Variants in ARID1B observed in about 807,000 individuals in gnomAD.
ARID1B encodes AT-rich interaction domain 1B.
In ARID1B, 30 loss-of-function variants were observed where a neutral mutation model predicts 212.3. The observed-to-expected ratio is 0.14, with a 90% CI of 0.11 to 0.19. The LOEUF (loss-of-function observed/expected upper bound fraction) is 0.19, where lower values mean the gene tolerates loss of function less well. ARID1B is among the 10% of genes least tolerant of loss of function. The probability of loss-of-function intolerance (pLI) is 1.00; values close to 1 mark genes in which losing one functional copy is unlikely to be tolerated. For synonymous variants in ARID1B, 1,402 were observed against 1,301.7 expected (o/e 1.08, Z -1.66); for missense variants, 2,891 against 3,204.0 (o/e 0.90, Z 2.36).
intron 4 of ARID1B, among the ~76,000 whole-genome samples, chr6:157,008,016 T>A (rs1487415774): frequency 1.3e-5 from 2 of 152,232 alleles, no homozygotes; most frequent in African/African-American, 4.8e-5. Context: ...AAGTTTAAAT[T>A]AAGCAAAGAG....
At chr6:156,929,965 G>C (rs1791568111) in intron 3 of ARID1B, among the ~76,000 whole-genome samples, 2 of 151,548 alleles carry the variant, frequency 1.3e-5, no homozygotes, top group Non-Finnish European at 2.9e-5. Context: ...CCCCTGCTCT[G>C]GTTTTGCTAC....
intron 18 of ARID1B, among the ~76,000 whole-genome samples, chr6:157,202,794 T>A (rs1382734284): frequency 6.6e-6 from 1 of 150,718 alleles, no homozygotes; most frequent in Non-Finnish European, 1.5e-5. Flanking sequence ...GTGTGTGTAT[T>A]TATATGGGGT....
chr6:157,138,666 A>G (rs1789116259), intron 7 of ARID1B, among the ~76,000 whole-genome samples: 1 of 152,190 alleles, frequency 6.6e-6, no homozygotes, highest in African/African-American at 2.4e-5. Context: ...CTCTTCTCTG[A>G]CGTTCCAAAG....
intron 2 of ARID1B, among the ~76,000 whole-genome samples, chr6:156,866,621 G>A (rs1390194866): frequency 6.6e-6 from 1 of 152,092 alleles, no homozygotes; most frequent in Non-Finnish European, 1.5e-5. Flanking sequence ...TCTTTATCCA[G>A]AGTCTCTTTA....
At chr6:156,871,145 G>A (rs766691782) in intron 2 of ARID1B, among the ~76,000 whole-genome samples, 1 of 152,158 alleles carries the variant, frequency 6.6e-6, no homozygotes, top group Non-Finnish European at 1.5e-5. Flanking sequence ...CTCCTTTCTT[G>A]TACAGCCTAT....
chr6:157,204,136 C>A (rs147533130), intron 19 of ARID1B, 140 bp downstream of exon 19: 3 of 1,096,774 alleles, frequency 2.7e-6, no homozygotes, highest in Non-Finnish European at 2.7e-6. Context: ...TATCAACCAG[C>A]CTTAATCAAT....
rs1024749102 is a variant in ARID1B, at chr6:157,207,909, G to A, written c.*18G>A. On this transcript the variant is annotated 3_prime_UTR_variant, in exon 20 of 20. Coordinates refer to ENST00000636930, the MANE Select transcript of ARID1B (RefSeq NM_001374828.1). This position sits in a 1 kb window ranked among gnomAD's most constrained non-coding sequence, Gnocchi z 8.5. ...AGTTATGACATAAGTGAGAAGGCAAGCATGTGTGAGTGAAGATTAGAGGGT... is the reference window on the plus strand; with the variant it reads ...AGTTATGACATAAGTGAGAAGGCAAACATGTGTGAGTGAAGATTAGAGGGT... The A allele has an allele frequency of 6.1e-6, 9 of 1,468,950 alleles. No individual in the cohort carries two copies. Among genetic ancestry groups the A allele is most frequent in the African/African-American group, 4.2e-5 (3 of 71,214 alleles). The allele number at this position is 1,468,950 out of a possible 1,614,324, so 91.0% of individuals were successfully genotyped here.
At chr6:156,970,698 G>A (rs1385090070) in intron 4 of ARID1B, among the ~76,000 whole-genome samples, 1 of 152,356 alleles carries the variant, frequency 6.6e-6, no homozygotes, top group East Asian at 1.9e-4. Context: ...TCAGTGCCCA[G>A]CCTTCCTTCT....
chr6:157,131,489 G>A (rs372143846), intron 6 of ARID1B, among the ~76,000 whole-genome samples: 4 of 152,214 alleles, frequency 2.6e-5, no homozygotes, highest in African/African-American at 7.2e-5. Flanking sequence ...AGGAGGGAAC[G>A]GGGGAGAGAG....
Position 157,081,421 on chromosome 6 carries a change from A to G in ARID1B, c.2248-3241A>G, listed in dbSNP as rs111418157. 8.4e-3 allele frequency among the ~76,000 whole-genome samples: 1,286 copies of G among 152,332 alleles called. 25 individuals are homozygous for G. Among genetic ancestry groups the G allele is most frequent in the African/African-American group, 0.029 (1,223 of 41,582 alleles). ...AGCATGTTTTAAGATAGCTCTACAT[A>G]CAGATACCCTAACAATCTGCAGGGC... is the stretch of plus-strand genomic sequence containing the variant. On this transcript the variant is annotated intron_variant, in intron 4 of 19. Transcript: ENST00000636930.
intron 2 of ARID1B, among the ~76,000 whole-genome samples, chr6:156,838,561 C>T (rs902390869): frequency 2.0e-5 from 3 of 151,772 alleles, no homozygotes; most frequent in African/African-American, 4.8e-5. Flanking sequence ...CGAAGCCTGT[C>T]GGTGGGAATG....
intron 4 of ARID1B, among the ~76,000 whole-genome samples, chr6:156,944,480 A>G (rs1792911766): frequency 6.6e-6 from 1 of 152,108 alleles, no homozygotes; most frequent in African/African-American, 2.4e-5. Context: ...GTCGTTGCAT[A>G]TAGGGAAGTC....
intron 1 of ARID1B, among the ~76,000 whole-genome samples, chr6:156,792,691 C>T (rs555717414): frequency 6.6e-6 from 1 of 152,118 alleles, no homozygotes; most frequent in Non-Finnish European, 1.5e-5. Flanking sequence ...GTGCTTAGGG[C>T]AGTCTGAAAT....
intron 8 of ARID1B, among the ~76,000 whole-genome samples, chr6:157,153,250 T>A (rs1790332190): frequency 6.6e-6 from 1 of 152,208 alleles, no homozygotes; most frequent in Non-Finnish European, 1.5e-5. Flanking sequence ...ATTTTGATCA[T>A]CAGAGGATTT....
intron 3 of ARID1B, among the ~76,000 whole-genome samples, chr6:156,934,656 G>A (rs1792015342): frequency 6.6e-6 from 1 of 151,892 alleles, no homozygotes; most frequent in Non-Finnish European, 1.5e-5. Flanking sequence ...TAATTGAGAG[G>A]ACCTGTTAAG....
chr6:157,206,450 C>T lies in ARID1B; in HGVS notation c.5678C>T (p.Ala1893Val), dbSNP rs201137071. 1.7e-4 allele frequency: 267 copies of T among 1,614,086 alleles called. 1 individual carries two copies. Among genetic ancestry groups the T allele is most frequent in the Non-Finnish European group, 1.8e-4 (215 of 1,180,040 alleles). ...AGCATCGCTCTGACTGCCCCGGACG[C>T]CGCTGCAGACCCAAAGGAGAAGCCC... is the stretch of plus-strand genomic sequence containing the variant. ...KSSIALTAPD[A>V]AADPKEKPKQ... The change falls in exon 20 of 20, where the codon GCC (alanine) becomes GTC (valine). Residue 1893 changes from alanine (A) to valine (V), a missense_variant. Around this residue, in one of 7 missense-constraint regions of ARID1B, gnomAD observed 332 missense variants for 369.2 expected, o/e 0.90. Coordinates refer to ENST00000636930, the MANE Select transcript of ARID1B (RefSeq NM_001374828.1). This position sits in a 1 kb window ranked among gnomAD's most constrained non-coding sequence, Gnocchi z 6.8.
intron 1 of ARID1B, among the ~76,000 whole-genome samples, chr6:156,790,622 C>T (rs1779945624): frequency 6.6e-6 from 1 of 152,158 alleles, no homozygotes; most frequent in South Asian, 2.1e-4. Flanking sequence ...AAATTACAGT[C>T]ATACTTTTTA....
At chr6:156,913,836 C>A in intron 3 of ARID1B, among the ~76,000 whole-genome samples, 1 of 149,926 alleles carries the variant, frequency 6.7e-6, no homozygotes, top group African/African-American at 2.5e-5. Flanking sequence ...CTCTCCACTT[C>A]CCAACAACCA....
chr6:157,084,168 CAA>C (rs200804543), intron 4 of ARID1B, among the ~76,000 whole-genome samples: 3,635 of 148,068 alleles, frequency 0.025, 71 homozygotes, highest in Non-Finnish European at 0.041. Context: ...TTTCTCATCA[CAA>C]AGTTTGGTCA....
Sources: gnomAD v4.1 joint callset for allele counts (sites outside exome capture counted in the v4.1 genomes callset) on GRCh38, gnomAD v4.1.1 for gene constraint, gnomAD v4.1.1 regional missense constraint, Gnocchi (gnomAD v3.1) non-coding constraint, MANE v1.5 for transcripts, NCBI Gene and HGNC (gene_info 2026-07-23, HGNC 2026-07-21) for gene names.